The following LRP1B variants were observed in gnomAD, a reference collection of about 807,000 sequenced individuals.
LRP1B encodes the protein low-density lipoprotein receptor-related protein 1B.
In LRP1B, 217 loss-of-function variants were observed where a neutral mutation model predicts 556.6. The ratio of observed to expected loss-of-function variants is 0.39; its 90% CI spans 0.35 to 0.44. The LOEUF is 0.44. Among genes scored for constraint, LRP1B ranks in the 20% least tolerant of loss-of-function variants. LRP1B has a pLI of 1.00. For synonymous variants in LRP1B, 2,047 were observed against 1,865.8 expected (o/e 1.10, Z -2.50); for missense variants, 5,053 against 5,620.8 (o/e 0.90, Z 3.23).
intron 20 of LRP1B, among the ~76,000 whole-genome samples, chr2:140,932,566 A>G (rs1365414360): frequency 6.6e-6 from 1 of 152,060 alleles, no homozygotes; most frequent in Non-Finnish European, 1.5e-5. Flanking sequence ...CATGATAATC[A>G]AGTATATACA....
At chr2:140,622,426 G>T (rs1683489411) in intron 41 of LRP1B, among the ~76,000 whole-genome samples, 1 of 152,112 alleles carries the variant, frequency 6.6e-6, no homozygotes, top group South Asian at 2.1e-4. Flanking sequence ...TGTGGAAACT[G>T]CCTGTCAATT....
chr2:140,278,824 C>A (rs1682796867), intron 84 of LRP1B, among the ~76,000 whole-genome samples: 1 of 151,942 alleles, frequency 6.6e-6, no homozygotes, highest in Admixed American at 6.6e-5. Context: ...TCTCCCAGTT[C>A]TCATTCTTAA....
rs781248266 is a variant in LRP1B at position 140,378,171 on chromosome 2, G to C, written c.10638+9C>G. 3 of 1,582,034 alleles carry C rather than the reference G, an allele frequency of 1.9e-6. No individual in the cohort carries two copies. The highest frequency in any genetic ancestry group is 8.6e-7 in the Non-Finnish European group (1 of 1,156,250). On this transcript the variant is annotated intron_variant, in intron 68 of 90. Coordinates refer to ENST00000389484, the MANE Select transcript of LRP1B (RefSeq NM_018557.3). Reference sequence around the variant, plus strand: ...GCTGCTTTCTTTTTGATTTTACAAAGATGCCTACCTCATCAGAGCCATCTG... The same window carrying C: ...GCTGCTTTCTTTTTGATTTTACAAACATGCCTACCTCATCAGAGCCATCTG...
chr2:140,253,950 T>C (rs1681564069), intron 86 of LRP1B, among the ~76,000 whole-genome samples: 1 of 152,010 alleles, frequency 6.6e-6, no homozygotes, highest in Non-Finnish European at 1.5e-5. Context: ...CCAAAATTGG[T>C]TTAAAAATAC....
intron 7 of LRP1B, among the ~76,000 whole-genome samples, chr2:141,168,119 T>C (rs1267585763): frequency 6.6e-6 from 1 of 151,918 alleles, no homozygotes; most frequent in Non-Finnish European, 1.5e-5. Flanking sequence ...AAATCTCAAA[T>C]GGAAAATGAC....
intron 1 of LRP1B, among the ~76,000 whole-genome samples, chr2:142,111,726 A>T (rs1180562424): frequency 2.0e-5 from 3 of 152,036 alleles, no homozygotes; most frequent in African/African-American, 7.2e-5. Context: ...CTGTTTGTGG[A>T]ATCCATGCCA....
chr2:142,049,131 G>A (rs375508485), intron 1 of LRP1B, among the ~76,000 whole-genome samples: 1 of 151,882 alleles, frequency 6.6e-6, no homozygotes, highest in Non-Finnish European at 1.5e-5. Flanking sequence ...CTAAAAAAAG[G>A]CCCCTTTTTT....
At chr2:141,765,748 C>T (rs1694714548) in intron 2 of LRP1B, among the ~76,000 whole-genome samples, 2 of 152,198 alleles carry the variant, frequency 1.3e-5, no homozygotes, top group Admixed American at 1.3e-4. Context: ...GCTTATAGAG[C>T]ATCTTGTCTT....
chr2:141,748,283 T>A (rs1369281330), intron 2 of LRP1B, among the ~76,000 whole-genome samples: 1 of 152,202 alleles, frequency 6.6e-6, no homozygotes, highest in Non-Finnish European at 1.5e-5. Context: ...ATTTTTGTGA[T>A]GATTAGAAAT....
At chr2:140,982,527 A>G (rs1288499895) in intron 17 of LRP1B, among the ~76,000 whole-genome samples, 2 of 152,140 alleles carry the variant, frequency 1.3e-5, no homozygotes, top group African/African-American at 2.4e-5. Context: ...CCCTCACACA[A>G]TTCCATAAAT....
At chr2:142,098,794 G>A (rs911255225) in intron 1 of LRP1B, among the ~76,000 whole-genome samples, 1 of 151,724 alleles carries the variant, frequency 6.6e-6, no homozygotes, top group Non-Finnish European at 1.5e-5. Flanking sequence ...GATGCCTCAC[G>A]TTATTCTGAG....
intron 3 of LRP1B, among the ~76,000 whole-genome samples, chr2:141,272,575 T>C (rs1276123161): frequency 1.3e-5 from 2 of 152,152 alleles, no homozygotes; most frequent in Admixed American, 6.5e-5. Context: ...ACAAGAGACA[T>C]ACTTGAGATC....
At chr2:141,423,289 G>A (rs1261616729) in intron 3 of LRP1B, among the ~76,000 whole-genome samples, 3 of 86,866 alleles carry the variant, frequency 3.5e-5, no homozygotes, top group African/African-American at 1.3e-4. Context: ...AACAGCCAGA[G>A]CTTTTTTTTT....
intron 2 of LRP1B, among the ~76,000 whole-genome samples, chr2:141,700,709 T>G (rs1050393078): frequency 6.6e-6 from 1 of 151,754 alleles, no homozygotes; most frequent in African/African-American, 2.4e-5. Context: ...TTTCCCAAAA[T>G]CCAGCCATAA....
intron 47 of LRP1B, among the ~76,000 whole-genome samples, chr2:140,532,926 C>G (rs578204689): frequency 1.8e-5 from 2 of 110,456 alleles, no homozygotes; most frequent in African/African-American, 7.8e-5. Context: ...AATCACAGCA[C>G]AAGATATATA....
At chr2:140,920,604 G>A (rs956541594) in intron 21 of LRP1B, among the ~76,000 whole-genome samples, 1 of 151,966 alleles carries the variant, frequency 6.6e-6, no homozygotes, top group African/African-American at 2.4e-5. Flanking sequence ...GCTTATATTT[G>A]TGGTTCATTT....
At chr2:141,121,603 T>G (rs961099590) in intron 7 of LRP1B, among the ~76,000 whole-genome samples, 1 of 151,864 alleles carries the variant, frequency 6.6e-6, no homozygotes, top group Non-Finnish European at 1.5e-5. Flanking sequence ...TAAAAGAGGA[T>G]ACAAACAAAT....
At chr2:140,705,315 G>A (rs1280052193) in intron 37 of LRP1B, among the ~76,000 whole-genome samples, 1 of 151,884 alleles carries the variant, frequency 6.6e-6, no homozygotes, top group Non-Finnish European at 1.5e-5. Flanking sequence ...CTTGAGGTAA[G>A]GAGTTTGAGA....
At chr2:141,482,508 G>T (rs1325916777) in intron 2 of LRP1B, among the ~76,000 whole-genome samples, 1 of 151,804 alleles carries the variant, frequency 6.6e-6, no homozygotes, top group Non-Finnish European at 1.5e-5. Flanking sequence ...ATATATATAT[G>T]TGTGTGTGCA....
Sources: gnomAD v4.1 joint callset for allele counts (sites outside exome capture counted in the v4.1 genomes callset) on GRCh38, gnomAD v4.1.1 for gene constraint, MANE v1.5 for transcripts, NCBI Gene and HGNC (gene_info 2026-07-23, HGNC 2026-07-21) for gene names.